Variants in DAB1 observed in about 807,000 individuals in gnomAD.
The protein encoded by DAB1 is disabled homolog 1.
A neutral mutation model predicts 64.6 loss-of-function variants in DAB1; 15 were observed. The ratio of observed to expected loss-of-function variants is 0.23; its 90% CI spans 0.16 to 0.36. The LOEUF (loss-of-function observed/expected upper bound fraction) is 0.36, where lower values mean the gene tolerates loss of function less well. Ranked by LOEUF, DAB1 falls within the 10% of genes least tolerant of loss-of-function variation. The pLI, the probability that DAB1 is intolerant of heterozygous loss-of-function variation, is 1.00. For missense variants in DAB1, 596 were observed against 706.7 expected, an observed-to-expected ratio of 0.84 and a Z score of 1.78; for synonymous variants, 235 against 251.9, an observed-to-expected ratio of 0.93 and a Z score of 0.64.
intron 5 of DAB1, among the ~76,000 whole-genome samples, chr1:57,907,046 T>C (rs1644563614): frequency 6.6e-6 from 1 of 152,190 alleles, no homozygotes; most frequent in African/African-American, 2.4e-5. Context: ...GGGAACTGAA[T>C]GTAAAAACAC....
intron 1 of DAB1, among the ~76,000 whole-genome samples, chr1:57,405,373 C>T (rs867316774): frequency 2.0e-5 from 3 of 152,100 alleles, no homozygotes; most frequent in African/African-American, 7.2e-5. Flanking sequence ...TTTCCTTTAC[C>T]GGAAATGGTC....
At chr1:57,470,139 G>A (rs1687089047) in intron 7 of DAB1, among the ~76,000 whole-genome samples, 1 of 152,130 alleles carries the variant, frequency 6.6e-6, no homozygotes, top group Non-Finnish European at 1.5e-5. Context: ...CCTTGAGCAG[G>A]CATCTCACCC....
intron 7 of DAB1, among the ~76,000 whole-genome samples, chr1:57,445,725 C>T (rs1026223989): frequency 2.8e-4 from 43 of 152,250 alleles, no homozygotes; most frequent in African/African-American, 9.9e-4. Context: ...AATATTTAAG[C>T]AGCTTATCAG....
At chr1:57,786,298 A>G (rs553476540) in intron 6 of DAB1, among the ~76,000 whole-genome samples, 13 of 152,146 alleles carry the variant, frequency 8.5e-5, no homozygotes, top group Non-Finnish European at 1.8e-4. Flanking sequence ...CACTGAACCC[A>G]CAATACCTCT....
At chr1:57,657,643 T>C (rs1417511373) in intron 6 of DAB1, among the ~76,000 whole-genome samples, 1 of 152,170 alleles carries the variant, frequency 6.6e-6, no homozygotes, top group African/African-American at 2.4e-5. Flanking sequence ...AGAAGTTAGT[T>C]TGACATCTAG....
chr1:57,534,859 C>T (rs1304654674), intron 7 of DAB1, among the ~76,000 whole-genome samples: 1 of 152,168 alleles, frequency 6.6e-6, no homozygotes, highest in Non-Finnish European at 1.5e-5. Context: ...CTCTGTAAGG[C>T]CTTGTGTGAC....
At chr1:57,276,228 G>T (rs761723476) in intron 2 of DAB1, among the ~76,000 whole-genome samples, 2 of 152,184 alleles carry the variant, frequency 1.3e-5, no homozygotes, top group African/African-American at 4.8e-5. Context: ...CTCACTCATC[G>T]CCAGGACATA....
intron 2 of DAB1, among the ~76,000 whole-genome samples, chr1:57,205,369 C>G (rs1024990588): frequency 6.6e-6 from 1 of 152,152 alleles, no homozygotes; most frequent in Non-Finnish European, 1.5e-5. Flanking sequence ...ACAAAATAGG[C>G]GAAGTCTCTA....
chr1:58,356,471 C>T (rs867155352), intron 3 of DAB1, among the ~76,000 whole-genome samples: 31 of 152,156 alleles, frequency 2.0e-4, no homozygotes, highest in Middle Eastern at 6.8e-3. Context: ...TAAGAAGTAA[C>T]TGGAGCTAAT....
intron 3 of DAB1, among the ~76,000 whole-genome samples, chr1:58,497,448 A>G (rs1645822143): frequency 6.6e-6 from 1 of 152,170 alleles, no homozygotes; most frequent in Non-Finnish European, 1.5e-5. Context: ...AAATGATACT[A>G]CTTTCTGAAA....
intron 9 of DAB1, among the ~76,000 whole-genome samples, chr1:57,046,926 C>T (rs571860139): frequency 6.6e-6 from 1 of 152,284 alleles, no homozygotes; most frequent in South Asian, 2.1e-4. Flanking sequence ...CAGTTTGGCC[C>T]AGCAGGAAGA....
At chr1:58,245,475 G>C (rs547310411) in intron 4 of DAB1, among the ~76,000 whole-genome samples, 1 of 152,238 alleles carries the variant, frequency 6.6e-6, no homozygotes, top group South Asian at 2.1e-4. Flanking sequence ...GGACTAAAGG[G>C]CTCCATCAAC....
intron 5 of DAB1, among the ~76,000 whole-genome samples, chr1:58,135,609 A>G (rs1490874354): frequency 6.6e-6 from 1 of 152,060 alleles, no homozygotes; most frequent in Non-Finnish European, 1.5e-5. Flanking sequence ...GTTGTGTGGT[A>G]CTGAGGTTTG....
Position 58,416,913 on chromosome 1 carries a change from A to C in DAB1, n.258-73510T>G, listed in dbSNP as rs188463452. 1.1e-4 allele frequency among the ~76,000 whole-genome samples: 17 copies of C among 152,358 alleles called. No homozygotes were observed. The East Asian group carries it at 3.3e-3, about 29-fold the overall frequency. On this transcript the variant is annotated intron_variant and non_coding_transcript_variant, in intron 3 of 20. Coordinates refer to the DAB1 transcript ENST00000485760. ...AGGATCTCAAAGACTTAGTATTAAA[A>C]AAAGAATGTAAGGTATCTCACTAAT... is the stretch of plus-strand genomic sequence containing the variant.
At chr1:58,334,773 A>G (rs1455014744) in intron 4 of DAB1, among the ~76,000 whole-genome samples, 1 of 151,822 alleles carries the variant, frequency 6.6e-6, no homozygotes, top group Non-Finnish European at 1.5e-5. Flanking sequence ...AGATGAAGGG[A>G]AACAATATGT....
rs566883845 is a variant in DAB1 at position 57,398,733 on chromosome 1, C to A, written c.-137+25197G>T. ...ATCCTGCATTTCATAACTCCCCAAA[C>A]GTCTTAACAACATACACGGTTGCCA... On this transcript the variant is annotated intron_variant, in intron 1 of 14. Coordinates refer to ENST00000371236, the MANE Select transcript of DAB1 (RefSeq NM_001365792.1). Among the ~76,000 whole-genome samples, 9 of 152,360 alleles carry A rather than the reference C, an allele frequency of 5.9e-5. 1 individual carries two copies. In the South Asian group the frequency reaches 1.7e-3, roughly 28 times the overall value.
intron 1 of DAB1, among the ~76,000 whole-genome samples, chr1:57,396,306 T>C (rs1437821909): frequency 1.3e-5 from 2 of 152,226 alleles, no homozygotes; most frequent in Non-Finnish European, 2.9e-5. Flanking sequence ...TGGAGATCCA[T>C]AACTATCATG....
chr1:58,180,286 T>C (rs1368552361), intron 4 of DAB1, among the ~76,000 whole-genome samples: 6 of 36,684 alleles, frequency 1.6e-4, no homozygotes, highest in Non-Finnish European at 4.6e-4. Flanking sequence ...CTTTTCTTTT[T>C]TTTTTTTTTT....
intron 5 of DAB1, among the ~76,000 whole-genome samples, chr1:58,052,357 A>C (rs1253516781): frequency 3.9e-5 from 6 of 152,066 alleles, no homozygotes; most frequent in Non-Finnish European, 8.8e-5. Flanking sequence ...ATGGTTGTAG[A>C]TGTGTGGCAT....
Sources: gnomAD v4.1 joint callset for allele counts (sites outside exome capture counted in the v4.1 genomes callset) on GRCh38, gnomAD v4.1.1 for gene constraint, MANE v1.5 for transcripts, NCBI Gene and HGNC (gene_info 2026-07-23, HGNC 2026-07-21) for gene names.